Variants in SLIT3 observed in about 807,000 individuals in gnomAD.
The protein encoded by SLIT3 is slit homolog 3 protein.
A neutral mutation model predicts 184.0 loss-of-function variants in SLIT3; 68 were observed. That is an observed-to-expected ratio of 0.37 (90% confidence interval 0.30 to 0.45). The LOEUF (loss-of-function observed/expected upper bound fraction) is 0.45, where lower values mean the gene tolerates loss of function less well. Among genes scored for constraint, SLIT3 ranks in the 20% least tolerant of loss-of-function variants. The probability of loss-of-function intolerance (pLI) is 1.00; values close to 1 mark genes in which losing one functional copy is unlikely to be tolerated. For missense variants in SLIT3, 1,707 were observed against 2,026.0 expected (o/e 0.84, Z 3.02); for synonymous variants, 831 against 828.6 (o/e 1.00, Z -0.05).
At chr5:169,145,331 G>A (rs1342006099) in intron 4 of SLIT3, among the ~76,000 whole-genome samples, 1 of 152,114 alleles carries the variant, frequency 6.6e-6, no homozygotes, top group African/African-American at 2.4e-5. Context: ...CTGAGGACAG[G>A]GGCCTTTCCG....
intron 4 of SLIT3, among the ~76,000 whole-genome samples, chr5:169,190,064 A>T (rs1344703187): frequency 1.3e-5 from 2 of 152,222 alleles, no homozygotes; most frequent in African/African-American, 4.8e-5. Context: ...ACTATGGGGA[A>T]CCCATTCTCT....
At chr5:169,187,347 G>C (rs1346136709) in intron 4 of SLIT3, among the ~76,000 whole-genome samples, 1 of 151,602 alleles carries the variant, frequency 6.6e-6, no homozygotes, top group African/African-American at 2.4e-5. Context: ...TCTTGACCTC[G>C]TCATCCGCCC....
rs568929106 is a variant in SLIT3 at position 169,033,810 on chromosome 5, ATT to A, written c.414-150476_414-150475del. ...TATGTGGTTTTTCCACTATTGTATG[ATT>A]TTTTTTTTTTTTTTTTTTTGAGATG... is the stretch of plus-strand genomic sequence containing the variant. On this transcript the variant is annotated intron_variant, in intron 4 of 35. Coordinates refer to ENST00000519560, the MANE Select transcript of SLIT3 (RefSeq NM_003062.4). 1.7e-3 allele frequency among the ~76,000 whole-genome samples: 197 copies of A among 116,122 alleles called. 1 individual carries two copies. The highest frequency in any genetic ancestry group is 9.3e-3 in the Middle Eastern group (2 of 216). 76.2% of individuals were successfully genotyped at this position (116,122 alleles called of 152,430 possible).
chr5:168,900,557 G>C (rs1384018000), intron 4 of SLIT3, among the ~76,000 whole-genome samples: 1 of 152,204 alleles, frequency 6.6e-6, no homozygotes, highest in Non-Finnish European at 1.5e-5. Context: ...GGAGGTTGCA[G>C]TGAGCCTAGA....
intron 6 of SLIT3, among the ~76,000 whole-genome samples, chr5:168,833,532 A>G (rs1475231133): frequency 6.6e-6 from 1 of 152,202 alleles, no homozygotes; most frequent in Non-Finnish European, 1.5e-5. Context: ...TAGAGTGGCC[A>G]TTTCCCAAGC....
intron 14 of SLIT3, among the ~76,000 whole-genome samples, chr5:168,764,305 A>C (rs1018743278): frequency 1.3e-5 from 2 of 152,176 alleles, no homozygotes; most frequent in Non-Finnish European, 2.9e-5. Flanking sequence ...TTCCATTTCA[A>C]ATGAATGATC....
chr5:169,169,886 C>A (rs1343009308), intron 4 of SLIT3, among the ~76,000 whole-genome samples: 2 of 152,366 alleles, frequency 1.3e-5, no homozygotes, highest in East Asian at 3.9e-4. Context: ...AAGTCCTGAT[C>A]TTGACTGTGT....
At chr5:168,966,341 T>C (rs954143577) in intron 4 of SLIT3, among the ~76,000 whole-genome samples, 1 of 152,262 alleles carries the variant, frequency 6.6e-6, no homozygotes, top group African/African-American at 2.4e-5. Flanking sequence ...GGATTTTTTT[T>C]TTTTTTTAAT....
chr5:168,899,239 G>C (rs952128133), intron 4 of SLIT3, among the ~76,000 whole-genome samples: 3 of 152,200 alleles, frequency 2.0e-5, no homozygotes, highest in African/African-American at 7.2e-5. Flanking sequence ...AAGTGGGCTG[G>C]ATCTGGTGGC....
intron 4 of SLIT3, chr5:169,120,268 A>T (rs893432473): frequency 6.6e-6 from 1 of 152,174 alleles, no homozygotes; most frequent in Non-Finnish European, 1.5e-5. Context: ...TATCTTCCTC[A>T]TAATAGTTGC....
At chr5:168,984,898 G>A (rs868021473) in intron 4 of SLIT3, among the ~76,000 whole-genome samples, 4 of 152,146 alleles carry the variant, frequency 2.6e-5, no homozygotes, top group African/African-American at 9.7e-5. Flanking sequence ...GAGGTCTAAA[G>A]TAAGACCTCT....
chr5:168,784,713 C>G (rs1366915318), intron 12 of SLIT3, among the ~76,000 whole-genome samples: 1 of 152,158 alleles, frequency 6.6e-6, no homozygotes, highest in Non-Finnish European at 1.5e-5. Flanking sequence ...TTGTTCCTCT[C>G]TCCTTCTTTG....
chr5:169,022,642 T>C (rs971339389), intron 4 of SLIT3: 2 of 152,202 alleles, frequency 1.3e-5, no homozygotes, highest in African/African-American at 4.8e-5. Flanking sequence ...GAGCCAGAGA[T>C]GTGTGTTTCT....
intron 4 of SLIT3, among the ~76,000 whole-genome samples, chr5:169,011,461 C>A (rs572428837): frequency 6.6e-6 from 1 of 152,194 alleles, no homozygotes; most frequent in East Asian, 1.9e-4. Flanking sequence ...AAGATGGCTT[C>A]ATTCCTCCGC....
chr5:168,974,398 C>A (rs975898931), intron 4 of SLIT3, among the ~76,000 whole-genome samples: 5 of 152,144 alleles, frequency 3.3e-5, no homozygotes, highest in African/African-American at 1.2e-4. Context: ...AAGGCCAGAT[C>A]CCAAAAGAAA....
chr5:169,249,744 C>T (rs560111389), intron 2 of SLIT3, among the ~76,000 whole-genome samples: 5 of 152,236 alleles, frequency 3.3e-5, no homozygotes, highest in African/African-American at 4.8e-5. Flanking sequence ...ATCTCAGTCT[C>T]GATTCTGATC....
intron 4 of SLIT3, among the ~76,000 whole-genome samples, chr5:169,112,232 G>A (rs901432998): frequency 2.6e-5 from 4 of 152,164 alleles, no homozygotes; most frequent in Admixed American, 6.5e-5. Flanking sequence ...AGCACAAAGC[G>A]GCCCTTGCTC....
intron 9 of SLIT3, among the ~76,000 whole-genome samples, chr5:168,797,081 G>T (rs1264845849): frequency 1.3e-5 from 2 of 151,950 alleles, no homozygotes; most frequent in Non-Finnish European, 2.9e-5. Context: ...GCACTTTACC[G>T]GGAGCACAGT....
intron 4 of SLIT3, among the ~76,000 whole-genome samples, chr5:169,076,338 A>G (rs1406738334): frequency 6.6e-6 from 1 of 152,238 alleles, no homozygotes; most frequent in East Asian, 1.9e-4. Flanking sequence ...ATTATAACCC[A>G]GGGCTGCTAT....
Sources: allele counts gnomAD v4.1 joint callset (sites outside exome capture counted in the v4.1 genomes callset), GRCh38; gene constraint gnomAD v4.1.1; transcripts MANE v1.5; gene names NCBI Gene and HGNC (gene_info 2026-07-23, HGNC 2026-07-21).